Variants in SHROOM2 observed in about 807,000 individuals in gnomAD.
SHROOM2 encodes the protein protein Shroom2.
A neutral mutation model predicts 75.9 loss-of-function variants in SHROOM2; 33 were observed. The observed-to-expected ratio is 0.43, with a 90% CI of 0.33 to 0.58. The LOEUF is 0.58. Among genes scored for constraint, SHROOM2 ranks in the 20% least tolerant of loss-of-function variants. SHROOM2 has a pLI of 0.04. For missense variants in SHROOM2, 1,434 were observed against 1,461.2 expected, an observed-to-expected ratio of 0.98 and a Z score of 0.30; for synonymous variants, 655 against 663.6, an observed-to-expected ratio of 0.99 and a Z score of 0.20.
chrX:9,931,930 G>A (rs1256345229), intron 5 of SHROOM2, among the ~76,000 whole-genome samples: 4 of 110,352 alleles, frequency 3.6e-5, no homozygotes, highest in Non-Finnish European at 7.6e-5. Flanking sequence ...TGATGTGTGC[G>A]CCTGTGTCTT....
Position 9,895,421 on chromosome X carries a change from G to C in SHROOM2, c.1513G>C (p.Glu505Gln). ...WPSDTALGAL[E>Q]SLPPPTVGQS... ...TTCTGACACAGCCCTTGGAGCCCTCGAGAGTCTTCCCCCACCCACGGTGGG... is the reference window on the plus strand; with the variant it reads ...TTCTGACACAGCCCTTGGAGCCCTCCAGAGTCTTCCCCCACCCACGGTGGG... The change falls in exon 4 of 10, where the codon GAG (glutamate) becomes CAG (glutamine). Residue 505 changes from glutamate to glutamine, a missense_variant. Coordinates refer to ENST00000380913, the MANE Select transcript of SHROOM2 (RefSeq NM_001649.4). The C allele has an allele frequency of 8.3e-7, 1 of 1,208,383 alleles. No homozygotes were observed. Among genetic ancestry groups the C allele is most frequent in the South Asian group, 1.8e-5 (1 of 56,418 alleles).
chrX:9,927,382 A>G (rs1433043557), intron 5 of SHROOM2, among the ~76,000 whole-genome samples: 1 of 102,942 alleles, frequency 9.7e-6, no homozygotes, highest in Non-Finnish European at 1.9e-5. Flanking sequence ...AAAAAAAAAA[A>G]AAAAAAAGTA....
intron 1 of SHROOM2, among the ~76,000 whole-genome samples, chrX:9,828,671 C>T (rs747831165): frequency 4.3e-4 from 48 of 110,411 alleles, no homozygotes; most frequent in Non-Finnish European, 7.6e-4. Context: ...CACTATGTTG[C>T]CCAGGCTGGT....
intron 1 of SHROOM2, among the ~76,000 whole-genome samples, chrX:9,871,218 C>T (rs2084169408): frequency 8.9e-6 from 1 of 112,045 alleles, no homozygotes; most frequent in Admixed American, 9.5e-5. Flanking sequence ...TAGAAATAAG[C>T]AAAGTCAGCC....
intron 5 of SHROOM2, among the ~76,000 whole-genome samples, chrX:9,929,049 A>G (rs931306111): frequency 8.9e-6 from 1 of 112,795 alleles, no homozygotes; most frequent in African/African-American, 3.2e-5. Flanking sequence ...CACGTAACAC[A>G]TAGACATGCA....
In SHROOM2 at chrX:9,808,861, C is replaced by CA. The variant is rs1330773077; in HGVS notation, c.165+22161dup. Among the ~76,000 whole-genome samples the CA allele has an allele frequency of 3.5e-4, 38 of 107,639 alleles. 1 individual carries two copies. Among genetic ancestry groups the CA allele is most frequent in the South Asian group, 1.2e-3 (3 of 2,460 alleles). The allele number at this position is 107,639 out of a possible 115,157, so 93.5% of individuals were successfully genotyped here. A position where few individuals can be genotyped will look rare whatever the true frequency, so the allele number is the denominator to read the frequency against. ...TGGGGGACAAGAGTGAACTTCGTCT[C>CA]AAAAAAAAAATAATAAAAATAAATG... On this transcript the variant is annotated intron_variant, in intron 1 of 9. Transcript: ENST00000380913.
At chrX:9,796,627 C>A (rs780988478) in intron 1 of SHROOM2, among the ~76,000 whole-genome samples, 1 of 109,501 alleles carries the variant, frequency 9.1e-6, no homozygotes, top group East Asian at 2.9e-4. Context: ...ATGTGGTATT[C>A]AGAGTAGGGT....
At chrX:9,853,580 C>T (rs191999486) in intron 1 of SHROOM2, among the ~76,000 whole-genome samples, 112 of 111,374 alleles carry the variant, frequency 1.0e-3, no homozygotes, top group Middle Eastern at 4.6e-3. Flanking sequence ...TCTCTGCTTC[C>T]GTCTCCACAT....
chrX:9,911,802 A>G (rs778096834), intron 5 of SHROOM2, among the ~76,000 whole-genome samples: 1 of 111,597 alleles, frequency 9.0e-6, no homozygotes, highest in South Asian at 3.8e-4. Flanking sequence ...ATATGGACAT[A>G]GAATAGGCTG....
At chrX:9,910,370 G>A (rs745640417) in intron 5 of SHROOM2, among the ~76,000 whole-genome samples, 4 of 111,448 alleles carry the variant, frequency 3.6e-5, no homozygotes, top group Admixed American at 9.6e-5. Context: ...GGGAGCTCTC[G>A]CCTGGCTGTT....
At chrX:9,827,223 C>CTTTGTTTT (rs1555924843) in intron 1 of SHROOM2, among the ~76,000 whole-genome samples, 1 of 60,153 alleles carries the variant, frequency 1.7e-5, no homozygotes, top group East Asian at 7.0e-4. Flanking sequence ...TTTTCTTTTT[C>CTTTGTTTT]TTTTTTTTTT....
rs138886901 is a variant in SHROOM2, at chrX:9,894,371, G to A, written c.463G>A (p.Asp155Asn). The A allele has an allele frequency of 1.5e-5, 18 of 1,204,585 alleles. No homozygotes were observed. The highest frequency in any genetic ancestry group is 1.2e-4 in the African/African-American group (7 of 56,819). The change falls in exon 4 of 10, where the codon GAC becomes AAC. Residue 155 changes from aspartate to asparagine, a missense_variant. Coordinates refer to ENST00000380913, the MANE Select transcript of SHROOM2 (RefSeq NM_001649.4). ...TCATTCTTGCAGTTCTTCCTCCCAC[G>A]ACCTGTCCAGTTCCTGGGAGCAGAC... ...GRHHASSSSH[D>N]LSSSWEQTNL...
At chrX:9,899,324 C>T (rs1341245114) in intron 5 of SHROOM2, among the ~76,000 whole-genome samples, 6 of 109,976 alleles carry the variant, frequency 5.5e-5, no homozygotes, top group South Asian at 3.9e-4. Flanking sequence ...AGAGAGTGTG[C>T]GTCTCTACAG....
At chrX:9,796,006 G>A (rs927507493) in intron 1 of SHROOM2, among the ~76,000 whole-genome samples, 1 of 111,118 alleles carries the variant, frequency 9.0e-6, no homozygotes, top group South Asian at 3.8e-4. Flanking sequence ...GTTCCTAACC[G>A]TTTCTAATCA....
intron 5 of SHROOM2, chrX:9,912,999 A>C (rs926250492): frequency 4.5e-5 from 5 of 112,309 alleles, no homozygotes; most frequent in Non-Finnish European, 9.4e-5. Flanking sequence ...ACCGTGTTCT[A>C]GGCTGGAAGC....
intron 1 of SHROOM2, among the ~76,000 whole-genome samples, chrX:9,789,897 T>C (rs1190668947): frequency 8.9e-6 from 1 of 112,005 alleles, no homozygotes; most frequent in Non-Finnish European, 1.9e-5. Context: ...TGGGAACCCA[T>C]TGATTTTCGG....
chrX:9,932,650 C>G lies in SHROOM2; in HGVS notation c.3367C>G (p.Pro1123Ala). The change falls in exon 6 of 10, where the codon CCC (proline) becomes GCC (alanine). Residue 1123 changes from proline to alanine, a missense_variant. By Grantham distance (27) the Pro-to-Ala change is conservative. Around this residue, in one of 3 missense-constraint regions of SHROOM2, gnomAD observed 1,340 missense variants for 1,338.3 expected, o/e 1.00. Coordinates refer to ENST00000380913, the MANE Select transcript of SHROOM2 (RefSeq NM_001649.4). ...HSPSVFSSAQ[P>A]QDTPKATVCE... is the part of the protein sequence containing the mutation. ...CCCCTCTGTGTTCAGCAGTGCCCAG[C>G]CCCAGGACACCCCGAAGGCCACTGT... The G allele has an allele frequency of 8.3e-7, 1 of 1,210,714 alleles. No homozygotes were observed. Among genetic ancestry groups the G allele is most frequent in the Non-Finnish European group, 1.1e-6 (1 of 894,858 alleles).
chrX:9,923,985 G>C (rs2084571025), intron 5 of SHROOM2, among the ~76,000 whole-genome samples: 1 of 112,518 alleles, frequency 8.9e-6, no homozygotes, highest in Non-Finnish European at 1.9e-5. Flanking sequence ...GGAAGCAGCA[G>C]ACCTTTTTAT....
chrX:9,885,601 T>A (rs1343544364), intron 2 of SHROOM2, among the ~76,000 whole-genome samples: 8 of 111,515 alleles, frequency 7.2e-5, no homozygotes, highest in African/African-American at 2.6e-4. Context: ...CAAGATATCT[T>A]CAGTTAAAGC....
Sources: gnomAD v4.1 joint callset for allele counts (sites outside exome capture counted in the v4.1 genomes callset) on GRCh38, gnomAD v4.1.1 for gene constraint, gnomAD v4.1.1 regional missense constraint, MANE v1.5 for transcripts, NCBI Gene and HGNC (gene_info 2026-07-23, HGNC 2026-07-21) for gene names.